The following HERC4 variants were observed in gnomAD, a reference collection of about 807,000 sequenced individuals.
The protein encoded by HERC4 is probable E3 ubiquitin-protein ligase HERC4.
HERC4 carries 28 observed loss-of-function variants against 124.3 expected under a neutral mutation model. The ratio of observed to expected loss-of-function variants is 0.23; its 90% CI spans 0.17 to 0.31. The LOEUF is 0.31. Ranked by LOEUF, HERC4 falls within the 10% of genes least tolerant of loss-of-function variation. HERC4 has a pLI of 1.00. For missense variants in HERC4, 713 were observed against 1,229.3 expected (o/e 0.58, Z 6.28); for synonymous variants, 407 against 421.5 (o/e 0.97, Z 0.42).
At chr10:68,059,390 C>T (rs2040715122) in intron 3 of HERC4, among the ~76,000 whole-genome samples, 1 of 144,448 alleles carries the variant, frequency 6.9e-6, no homozygotes, top group East Asian at 2.0e-4. Context: ...ATAGGTCTTG[C>T]ACATTTCTTA....
chr10:68,031,760 C>CT (rs1484573255), intron 7 of HERC4, among the ~76,000 whole-genome samples: 2 of 151,414 alleles, frequency 1.3e-5, no homozygotes, highest in Non-Finnish European at 3.0e-5. Flanking sequence ...GTTAATGCCT[C>CT]TTTTTTTTTG....
intron 3 of HERC4, chr10:68,070,747 A>G (rs1011001203): frequency 2.2e-4 from 34 of 152,166 alleles, no homozygotes; most frequent in African/African-American, 8.0e-4. Context: ...TCACTTCAAT[A>G]TATCATCGAA....
chr10:68,059,680 TCA>T (rs2040821501), intron 3 of HERC4, among the ~76,000 whole-genome samples: 4 of 67,784 alleles, frequency 5.9e-5, no homozygotes, highest in African/African-American at 2.3e-4. Context: ...ATATTATATA[TCA>T]TAATATTATA....
At chr10:67,960,935 A>G in intron 16 of HERC4, 1 of 324,484 alleles carries the variant, frequency 3.1e-6, no homozygotes, top group South Asian at 3.0e-5. Flanking sequence ...CACTTCTTTC[A>G]AGTCACTTGT....
intron 9 of HERC4, among the ~76,000 whole-genome samples, chr10:68,006,975 TTGG>T (rs2037609282): frequency 6.6e-6 from 1 of 152,192 alleles, no homozygotes; most frequent in South Asian, 2.1e-4. Context: ...TTAAATCTGC[TTGG>T]TGTTCTATAA....
chr10:67,971,337 TA>T (rs2035220781), intron 15 of HERC4, among the ~76,000 whole-genome samples: 1 of 151,938 alleles, frequency 6.6e-6, no homozygotes, highest in Non-Finnish European at 1.5e-5. Flanking sequence ...ATATGAGAAA[TA>T]AAAATTACAG....
rs187754964 is a variant in HERC4 at position 68,003,307 on chromosome 10, G to A, written c.1070-10625C>T. Among the ~76,000 whole-genome samples the A allele has an allele frequency of 5.6e-3, 833 of 149,602 alleles. 5 individuals are homozygous for A. The highest frequency in any genetic ancestry group is 8.7e-3 in the Non-Finnish European group (591 of 67,606). On this transcript the variant is annotated intron_variant, in intron 9 of 24. Transcript: ENST00000373700. ...TAGCTGGGACTACAGGCCTGCAGGC[G>A]CCTGCCACCATGCCTGACTAATTTT...
intron 15 of HERC4, among the ~76,000 whole-genome samples, chr10:67,979,148 C>T (rs927368357): frequency 6.6e-6 from 1 of 151,902 alleles, no homozygotes; most frequent in Non-Finnish European, 1.5e-5. Context: ...AAATAAGGCA[C>T]CAAAGACAAA....
At chr10:68,064,627 G>GAT (rs919957803) in intron 3 of HERC4, among the ~76,000 whole-genome samples, 10 of 150,492 alleles carry the variant, frequency 6.6e-5, no homozygotes, top group East Asian at 2.0e-4. Context: ...AAACTAAATT[G>GAT]ATATATATAT....
chr10:68,058,413 A>G (rs538564974), intron 3 of HERC4, among the ~76,000 whole-genome samples: 23 of 152,334 alleles, frequency 1.5e-4, no homozygotes, highest in African/African-American at 4.6e-4. Flanking sequence ...TATGAAAGCA[A>G]TATAGTTTCC....
At chr10:67,972,311 C>T (rs753070433) in intron 15 of HERC4, among the ~76,000 whole-genome samples, 8 of 150,406 alleles carry the variant, frequency 5.3e-5, no homozygotes, top group Non-Finnish European at 1.0e-4. Flanking sequence ...CACCTGAGGT[C>T]GGGAGTTCAA....
chr10:67,958,507 A>T (rs1005428449), intron 16 of HERC4, among the ~76,000 whole-genome samples: 1 of 152,240 alleles, frequency 6.6e-6, no homozygotes, highest in African/African-American at 2.4e-5. Context: ...GGAAAAACAT[A>T]GCAACCAACA....
intron 3 of HERC4, among the ~76,000 whole-genome samples, chr10:68,071,591 T>C (rs1297369295): frequency 6.6e-6 from 1 of 152,180 alleles, no homozygotes; most frequent in Non-Finnish European, 1.5e-5. Context: ...CCCATTTGTC[T>C]CTGGAGCAGA....
intron 7 of HERC4, among the ~76,000 whole-genome samples, chr10:68,027,717 G>T (rs2038975874): frequency 6.6e-6 from 1 of 152,102 alleles, no homozygotes; most frequent in African/African-American, 2.4e-5. Flanking sequence ...GAGGACAGGA[G>T]ATCAAGGCCA....
rs138986645 is a variant in HERC4, at chr10:67,956,935, T to C, written c.1968A>G (p.Val656=). ...GAGTAGTTTTTGCTTGGGCATCAAA[T>C]ACAAATGGATATGTACAGATTGTAA... ...IPVTICTYPF[V]FDAQAKTTLL... Residue 656 remains valine (V), a synonymous_variant, in exon 17 of 25, where the codon GTA becomes GTG. Coordinates refer to ENST00000373700, the MANE Select transcript of HERC4 (RefSeq NM_015601.4). 10 of 1,603,312 alleles carry C rather than the reference T, an allele frequency of 6.2e-6. No homozygotes were observed. The East Asian group carries it at 2.0e-4, about 32-fold the overall frequency.
chr10:67,925,113 T>C lies in HERC4; in HGVS notation c.2913A>G (p.Leu971=). The change falls in exon 24 of 25, where the codon TTA becomes TTG. Residue 971 remains leucine (L), a synonymous_variant. Coordinates refer to ENST00000373700, the MANE Select transcript of HERC4 (RefSeq NM_015601.4). ...GAAACTGTTTCTTCTTTTCCAATGGTAATTCGTGAAATACTTCCCAAAAAA... is the reference window on the plus strand; with the variant it reads ...GAAACTGTTTCTTCTTTTCCAATGGCAATTCGTGAAATACTTCCCAAAAAA... ...IKIFWEVFHE[L]PLEKKKQFLL... is the part of the protein sequence containing the mutation. 1 of 1,598,408 alleles carries C rather than the reference T, an allele frequency of 6.3e-7. No homozygotes were observed. Among genetic ancestry groups the C allele is most frequent in the Non-Finnish European group, 8.6e-7 (1 of 1,165,880 alleles).
chr10:68,057,832 T>A (rs1163584352), intron 3 of HERC4, among the ~76,000 whole-genome samples: 1 of 151,902 alleles, frequency 6.6e-6, no homozygotes, highest in African/African-American at 2.4e-5. Flanking sequence ...CCTGAGTAGC[T>A]GGGATTACAA....
chr10:68,032,568 A>G (rs905391423), intron 7 of HERC4, among the ~76,000 whole-genome samples: 9 of 152,234 alleles, frequency 5.9e-5, no homozygotes, highest in Non-Finnish European at 7.3e-5. Flanking sequence ...ATATAATAGT[A>G]TATCAGAATT....
chr10:68,003,372 A>C, intron 9 of HERC4, among the ~76,000 whole-genome samples: 1 of 138,508 alleles, frequency 7.2e-6, no homozygotes, highest in Admixed American at 7.4e-5. Context: ...ATGGGGTTTC[A>C]CTGTGTTAGC....
Sources: gnomAD v4.1 joint callset for allele counts (sites outside exome capture counted in the v4.1 genomes callset) on GRCh38, gnomAD v4.1.1 for gene constraint, MANE v1.5 for transcripts, NCBI Gene and HGNC (gene_info 2026-07-23, HGNC 2026-07-21) for gene names.